Variants in PLCH2 observed in about 807,000 individuals in gnomAD.
The protein encoded by PLCH2 is phospholipase C eta 2.
Under a neutral mutation model 134.7 loss-of-function variants are expected in PLCH2, and 98 were observed. That is an observed-to-expected ratio of 0.73 (90% CI 0.62 to 0.86). The LOEUF (loss-of-function observed/expected upper bound fraction) is 0.86. Among genes scored for constraint, PLCH2 ranks in the 40% least tolerant of loss-of-function variants. The pLI, the probability that PLCH2 is intolerant of heterozygous loss-of-function variation, is 0.00. For synonymous variants in PLCH2, 974 were observed against 827.5 expected, an observed-to-expected ratio of 1.18 and a Z score of -3.04; for missense variants, 1,994 against 1,986.6, an observed-to-expected ratio of 1.00 and a Z score of -0.07.
At chr1:2,418,215 T>A in the PLCH2 span, among the ~76,000 whole-genome samples, 1 of 152,202 alleles carries the variant, frequency 6.6e-6, no homozygotes, top group Non-Finnish European at 1.5e-5. Context: ...TTTCTGAATT[T>A]TGTTTTTTGG....
chr1:2,429,426 G>A (rs1244182861), intron 1 of PLCH2, among the ~76,000 whole-genome samples: 2 of 152,096 alleles, frequency 1.3e-5, no homozygotes, highest in Non-Finnish European at 2.9e-5. Context: ...CCAAGGAAAA[G>A]GTGGCCAGAA....
At position 2,448,652 on chromosome 1, in the gene PLCH2, C is replaced by T. The variant is rs1250205516; in HGVS notation, c.115+18023C>T. Among the ~76,000 whole-genome samples, 1 of 152,166 alleles carries T rather than the reference C, an allele frequency of 6.6e-6. No individual in the cohort carries two copies. Among genetic ancestry groups the T allele is most frequent in the Non-Finnish European group, 1.5e-5 (1 of 68,026 alleles). ...GGCCGTGTGCTCCACCCCAGCACCC[C>T]CGCCCGAGGCAGGCCCTGGAGCTCA... On this transcript the variant is annotated intron_variant, in intron 2 of 3. Coordinates refer to the PLCH2 transcript ENST00000609981. The surrounding 1 kb of genome is among the most constrained non-coding windows in gnomAD (Gnocchi z 4.0).
In PLCH2 at chr1:2,504,996, G is replaced by A. The variant is rs560431514; in HGVS notation, c.4034G>A (p.Arg1345His). The A allele has an allele frequency of 5.8e-6, 9 of 1,547,146 alleles. No individual in the cohort carries two copies. Among genetic ancestry groups the A allele is most frequent in the African/African-American group, 1.4e-5 (1 of 73,194 alleles). Residue 1345 changes from arginine to histidine, a missense_variant, in exon 22 of 22, where the codon CGC becomes CAC. Arg to His is a conservative substitution (Grantham distance 29, BLOSUM62 0). Coordinates refer to ENST00000378486, the MANE Select transcript of PLCH2 (RefSeq NM_014638.4). ...VRRSSSRSHS[R>H]VRAIASRARQ... ...CGCTCCTCCTCCCGCAGCCACAGCC[G>A]CGTGCGTGCCATTGCCAGCCGGGCC... is the stretch of plus-strand genomic sequence containing the variant.
rs748204795 is a variant in PLCH2, at chr1:2,487,690, A to G, written c.1207A>G (p.Ile403Val). 1.1e-5 allele frequency: 18 copies of G among 1,613,414 alleles called. No homozygotes were observed. The highest frequency in any genetic ancestry group is 7.7e-5 in the South Asian group (7 of 91,070). Residue 403 changes from isoleucine (I) to valine (V), a missense_variant, in exon 8 of 22, where the codon ATC becomes GTC. By Grantham distance (29) the Ile-to-Val change is conservative (BLOSUM62 3). Coordinates refer to ENST00000378486, the MANE Select transcript of PLCH2 (RefSeq NM_014638.4). ...CCTCTTCAAAGACGTCATTGAAACC[A>G]TCAACAAATATGCCTTCATCAAGAA... ...KILFKDVIET[I>V]NKYAFIKNEY...
At chr1:2,502,773 G>C (rs534401476) in intron 21 of PLCH2, 1 of 716,772 alleles carries the variant, frequency 1.4e-6, no homozygotes, top group Admixed American at 2.0e-5. Flanking sequence ...AGCCCAGACA[G>C]CCCGGGCATC....
chr1:2,443,742 A>G (rs1639801934), intron 2 of PLCH2, among the ~76,000 whole-genome samples: 1 of 146,588 alleles, frequency 6.8e-6, no homozygotes. Context: ...CACGAGTGAC[A>G]GCGCGCTCCT....
intron 5 of PLCH2, 78 bp from the exon 6 acceptor site, chr1:2,486,829 G>A: frequency 9.3e-7 from 1 of 1,078,290 alleles, no homozygotes; most frequent in Admixed American, 2.0e-5. Flanking sequence ...GCAGGGGACA[G>A]TGGTGATGGG....
chr1:2,490,083 C>T (rs573801510), intron 10 of PLCH2, among the ~76,000 whole-genome samples: 2 of 144,844 alleles, frequency 1.4e-5, no homozygotes, highest in East Asian at 4.6e-4. Context: ...AGTTTCAGCT[C>T]CCACATTTGA....
At chr1:2,428,259 G>T (rs1638893756) in intron 1 of PLCH2, among the ~76,000 whole-genome samples, 1 of 152,226 alleles carries the variant, frequency 6.6e-6, no homozygotes, top group Admixed American at 6.5e-5. Flanking sequence ...GGGCTCCTGG[G>T]GATCGGCCAG....
intron 2 of PLCH2, among the ~76,000 whole-genome samples, chr1:2,431,958 A>G (rs1455858855): frequency 6.6e-6 from 1 of 152,082 alleles, no homozygotes; most frequent in African/African-American, 2.4e-5. Flanking sequence ...TGTGCACATT[A>G]GGGTGGTGGT....
chr1:2,486,895 G>A lies in PLCH2; in HGVS notation c.817-12G>A, dbSNP rs1451711688. 3 of 1,593,092 alleles carry A rather than the reference G, an allele frequency of 1.9e-6. No individual in the cohort carries two copies. Among genetic ancestry groups the A allele is most frequent in the Non-Finnish European group, 2.6e-6 (3 of 1,170,182 alleles). On this transcript the variant is annotated splice_polypyrimidine_tract_variant and intron_variant, in intron 5 of 21. Transcript: ENST00000378486. ...ATGGGCTGCCTGGACTCATGCCCCTGCTCTGGCCTAGATGGCGGGTGTGAC... is the reference window on the plus strand; with the variant it reads ...ATGGGCTGCCTGGACTCATGCCCCTACTCTGGCCTAGATGGCGGGTGTGAC...
intron 2 of PLCH2, among the ~76,000 whole-genome samples, chr1:2,441,988 C>T (rs186132933): frequency 2.1e-4 from 32 of 152,276 alleles, no homozygotes; most frequent in African/African-American, 7.7e-4. Context: ...GAACACACAC[C>T]CGGCACAGAG....
intron 2 of PLCH2, among the ~76,000 whole-genome samples, chr1:2,432,562 C>T (rs1164562277): frequency 2.6e-5 from 4 of 152,174 alleles, no homozygotes; most frequent in African/African-American, 4.8e-5. Context: ...GGCACGTGGC[C>T]GGGCCCATGG....
intron 1 of PLCH2, 80 bp from the exon 2 acceptor site, chr1:2,478,396 C>A (rs576229286): frequency 2.9e-5 from 44 of 1,535,066 alleles, no homozygotes; most frequent in Admixed American, 8.5e-5. Context: ...GAGGAGTGGC[C>A]GTGCCTCCGC....
Position 2,504,600 on chromosome 1 carries a change from C to T in PLCH2, c.3638C>T (p.Pro1213Leu). The change falls in exon 22 of 22, where the codon CCT becomes CTT. Residue 1213 changes from proline to leucine, a missense_variant. Physicochemically the swap from Pro to Leu is moderately conservative, Grantham distance 98. Around this residue, in one of 2 missense-constraint regions of PLCH2, gnomAD observed 900 missense variants for 752.3 expected, o/e 1.20. Transcript: ENST00000378486. The part of the protein sequence containing the change: ...NPNLRATGQR[P>L]PIPDELQPRS... Reference sequence around the variant, plus strand: ...AACCTTCGGGCTACAGGCCAGCGGCCTCCCATACCTGACGAACTGCAGCCC... The same window carrying T: ...AACCTTCGGGCTACAGGCCAGCGGCTTCCCATACCTGACGAACTGCAGCCC... 1.2e-6 allele frequency: 2 copies of T among 1,612,754 alleles called. No individual in the cohort carries two copies. Among genetic ancestry groups the T allele is most frequent in the Non-Finnish European group, 8.5e-7 (1 of 1,179,810 alleles).
chr1:2,481,488 C>T (rs778646884), intron 4 of PLCH2, among the ~76,000 whole-genome samples: 50 of 152,372 alleles, frequency 3.3e-4, no homozygotes, highest in African/African-American at 1.1e-3. Flanking sequence ...TGTGCCAGGG[C>T]CCGGGCAGCA....
intron 2 of PLCH2, among the ~76,000 whole-genome samples, chr1:2,437,805 G>A (rs1294188889): frequency 6.6e-6 from 1 of 152,154 alleles, no homozygotes; most frequent in African/African-American, 2.4e-5. Flanking sequence ...GGAAACACAT[G>A]TGTACATACA....
Position 2,478,568 on chromosome 1 carries a change from G to A in PLCH2, c.217G>A (p.Glu73Lys), listed in dbSNP as rs778874680. 1.2e-6 allele frequency: 2 copies of A among 1,612,432 alleles called. No homozygotes were observed. Among genetic ancestry groups the A allele is most frequent in the Non-Finnish European group, 8.5e-7 (1 of 1,179,740 alleles). Residue 73 changes from glutamate to lysine, a missense_variant, in exon 2 of 22, where the codon GAG becomes AAG. By Grantham distance (56) the Glu-to-Lys change is moderately conservative. Transcript: ENST00000378486. ...KGLVRFYYLD[E>K]HRSCIRWRPS... The stretch of plus-strand genomic sequence containing the variant: ...CCTGGTCCGCTTCTACTACCTGGAC[G>A]AGCACCGCTCCTGCATCCGCTGGAG...
intron 2 of PLCH2, among the ~76,000 whole-genome samples, chr1:2,438,932 C>T (rs1308941361): frequency 6.6e-6 from 1 of 152,208 alleles, no homozygotes; most frequent in Non-Finnish European, 1.5e-5. Flanking sequence ...ACTTCGCCGG[C>T]GTGGGCTGCC....
Sources: gnomAD v4.1 joint callset for allele counts (sites outside exome capture counted in the v4.1 genomes callset) on GRCh38, gnomAD v4.1.1 for gene constraint, gnomAD v4.1.1 regional missense constraint, Gnocchi (gnomAD v3.1) non-coding constraint, MANE v1.5 for transcripts, NCBI Gene and HGNC (gene_info 2026-07-23, HGNC 2026-07-21) for gene names.